Variants in PPP3CC observed in about 807,000 individuals in gnomAD.
PPP3CC encodes the protein serine/threonine-protein phosphatase 2B catalytic subunit gamma isoform.
In PPP3CC, 35 loss-of-function variants were observed where a neutral mutation model predicts 60.3. The ratio of observed to expected loss-of-function variants is 0.58; its 90% CI spans 0.44 to 0.77. PPP3CC has a LOEUF of 0.77. PPP3CC is among the 30% of genes least tolerant of loss of function. The pLI is 0.00. For missense variants in PPP3CC, 570 were observed against 628.9 expected, an observed-to-expected ratio of 0.91 and a Z score of 1.00; for synonymous variants, 206 against 224.3, an observed-to-expected ratio of 0.92 and a Z score of 0.73.
At position 22,475,116 on chromosome 8, in the gene PPP3CC, A is replaced by G; in HGVS notation, c.212A>G (p.Glu71Gly). 6.2e-7 allele frequency: 1 copy of G among 1,613,182 alleles called. No homozygotes were observed. The highest frequency in any genetic ancestry group is 8.5e-7 in the Non-Finnish European group (1 of 1,179,396). The change falls in exon 2 of 14, where the codon GAG becomes GGG. Residue 71 changes from glutamate (E) to glycine (G), a missense_variant. By Grantham distance (98) the Glu-to-Gly change is moderately conservative. Transcript: ENST00000240139. Reference sequence around the variant, plus strand: ...GATGGGGCTGCCATCCTGAGGCAAGAGAAGACTATGATAGAAGTAGATGCT... The same window carrying G: ...GATGGGGCTGCCATCCTGAGGCAAGGGAAGACTATGATAGAAGTAGATGCT... ...INDGAAILRQ[E>G]KTMIEVDAPI...
chr8:22,502,338 T>C (rs1052952009), intron 4 of PPP3CC, among the ~76,000 whole-genome samples: 1 of 152,080 alleles, frequency 6.6e-6, no homozygotes, highest in Non-Finnish European at 1.5e-5. Context: ...AACAAGACAG[T>C]GATGAAATAA....
rs573642022 is a variant in PPP3CC, at chr8:22,443,446, G to A, written c.49+1988G>A. ...TGAGGCACGAGAATTGCTTGAACCC[G>A]GGAGGCGGAGGTTGCAGTGAGCCAA... On this transcript the variant is annotated intron_variant, in intron 1 of 13. Coordinates refer to ENST00000240139, the MANE Select transcript of PPP3CC (RefSeq NM_005605.5). Among the ~76,000 whole-genome samples, 23 of 150,966 alleles carry A rather than the reference G, an allele frequency of 1.5e-4. No individual in the cohort carries two copies. The South Asian group carries it at 4.6e-3, about 30-fold the overall frequency.
chr8:22,505,523 A>G (rs1236715307), intron 4 of PPP3CC, among the ~76,000 whole-genome samples: 2 of 152,206 alleles, frequency 1.3e-5, no homozygotes, highest in Non-Finnish European at 2.9e-5. Context: ...GTATATCCAT[A>G]AAGCGAAATA....
chr8:22,510,423 G>C (rs1166966422), intron 4 of PPP3CC, among the ~76,000 whole-genome samples: 2 of 152,154 alleles, frequency 1.3e-5, no homozygotes, highest in Admixed American at 6.5e-5. Context: ...TAAGACTCCA[G>C]TTTCCACTTA....
chr8:22,496,483 A>ATTTTTTTTTTTTTTTTTT (rs1563741124), intron 3 of PPP3CC, among the ~76,000 whole-genome samples: 1 of 77,054 alleles, frequency 1.3e-5, no homozygotes. Context: ...GAGAACTGTA[A>ATTTTTTTTTTTTTTTTTT]TCTTTTTTTT....
At chr8:22,535,777 G>A (rs974665165) in intron 12 of PPP3CC, among the ~76,000 whole-genome samples, 4 of 152,150 alleles carry the variant, frequency 2.6e-5, no homozygotes, top group Admixed American at 6.5e-5. Flanking sequence ...TGTTGCCCAC[G>A]CTGGAGTGCA....
At chr8:22,530,536 T>TG (rs1839679610) in intron 10 of PPP3CC, among the ~76,000 whole-genome samples, 1 of 144,856 alleles carries the variant, frequency 6.9e-6, no homozygotes, top group African/African-American at 2.5e-5. Flanking sequence ...AATAAATAAA[T>TG]AAAAAGGAAG....
chr8:22,528,065 T>G (rs1839607351), intron 9 of PPP3CC, among the ~76,000 whole-genome samples: 1 of 152,254 alleles, frequency 6.6e-6, no homozygotes, highest in Non-Finnish European at 1.5e-5. Context: ...TAGTTACTTG[T>G]CATTCCCTCA....
chr8:22,443,181 A>G (rs1836724527), intron 1 of PPP3CC, among the ~76,000 whole-genome samples: 1 of 152,340 alleles, frequency 6.6e-6, no homozygotes, highest in African/African-American at 2.4e-5. Flanking sequence ...CCTTAAATAT[A>G]GTAATAAATA....
At chr8:22,485,220 C>T (rs191030807) in intron 3 of PPP3CC, among the ~76,000 whole-genome samples, 69 of 152,172 alleles carry the variant, frequency 4.5e-4, no homozygotes, top group African/African-American at 1.7e-3. Flanking sequence ...TAAATATAAG[C>T]ACTGAATTTG....
Position 22,517,156 on chromosome 8 carries a change from CAT to C in PPP3CC, c.770+3725_770+3726del, listed in dbSNP as rs1301335184. Among the ~76,000 whole-genome samples, 17 of 152,348 alleles carry C rather than the reference CAT, an allele frequency of 1.1e-4. No individual in the cohort carries two copies. The East Asian group carries it at 1.5e-3, about 14-fold the overall frequency. On this transcript the variant is annotated intron_variant, in intron 6 of 13. Coordinates refer to ENST00000240139, the MANE Select transcript of PPP3CC (RefSeq NM_005605.5). The stretch of plus-strand genomic sequence containing the variant: ...TAAAAAATTTGACTCACCCAGCACA[CAT>C]GTTCCCAGCTGAGGCTGAACAAAGT...
At position 22,463,568 on chromosome 8, in the gene PPP3CC, A is replaced by G. The variant is rs574369887; in HGVS notation, c.50-11386A>G. ...AGAATGGAAGGGAGTGGAATCTTCT[A>G]TTGCAGAAAGTACATAATGAATTTT... On this transcript the variant is annotated intron_variant, in intron 1 of 13. Coordinates refer to ENST00000240139, the MANE Select transcript of PPP3CC (RefSeq NM_005605.5). Among the ~76,000 whole-genome samples the G allele has an allele frequency of 3.2e-4, 48 of 152,280 alleles. 1 individual carries two copies. In the South Asian group the frequency reaches 7.7e-3, roughly 24 times the overall value.
intron 1 of PPP3CC, among the ~76,000 whole-genome samples, 182 bp from the exon 2 acceptor site, chr8:22,474,772 T>G (rs1837836128): frequency 6.6e-6 from 1 of 152,156 alleles, no homozygotes; most frequent in Admixed American, 6.6e-5. Flanking sequence ...CTGTCACCTT[T>G]TTATACTTAG....
At position 22,504,580 on chromosome 8, in the gene PPP3CC, G is replaced by C. The variant is rs1333572580; in HGVS notation, c.484+6468G>C. ...CCCAGAGTGCTGAGATTACAGATGT[G>C]AGCTGCCATGCCTAGCCCCTAACAG... On this transcript the variant is annotated intron_variant, in intron 4 of 13. Coordinates refer to ENST00000240139, the MANE Select transcript of PPP3CC (RefSeq NM_005605.5). Among the ~76,000 whole-genome samples the C allele has an allele frequency of 6.6e-5, 10 of 152,258 alleles. No homozygotes were observed. In the East Asian group the frequency reaches 1.9e-3, roughly 29 times the overall value.
intron 3 of PPP3CC, among the ~76,000 whole-genome samples, chr8:22,477,574 A>G (rs1302236474): frequency 5.3e-5 from 8 of 152,142 alleles, no homozygotes; most frequent in Admixed American, 3.9e-4. Context: ...AAGGTTTCAG[A>G]CGGTAAAGAT....
rs1043659313 is a variant in PPP3CC, at chr8:22,498,566, T to C, written c.484+454T>C. ...TATTATGAAATAGTTCAGGTATACA[T>C]ATATCTGTATATATTTTACAAATAA... On this transcript the variant is annotated intron_variant, in intron 4 of 13. Coordinates refer to ENST00000240139, the MANE Select transcript of PPP3CC (RefSeq NM_005605.5). Among the ~76,000 whole-genome samples the C allele has an allele frequency of 4.6e-5, 7 of 152,250 alleles. No individual in the cohort carries two copies. In the East Asian group the frequency reaches 5.8e-4, roughly 13 times the overall value.
At chr8:22,461,509 A>C (rs1452852139) in intron 1 of PPP3CC, among the ~76,000 whole-genome samples, 2 of 152,216 alleles carry the variant, frequency 1.3e-5, no homozygotes, top group African/African-American at 4.8e-5. Flanking sequence ...TAAATAGTAG[A>C]ATAACATGGC....
chr8:22,476,250 A>G (rs1837884473), intron 3 of PPP3CC, among the ~76,000 whole-genome samples: 1 of 152,264 alleles, frequency 6.6e-6, no homozygotes, highest in Non-Finnish European at 1.5e-5. Context: ...ACTTGAGTAC[A>G]GTGGAACCAC....
At chr8:22,490,880 T>G (rs1838383202) in intron 3 of PPP3CC, among the ~76,000 whole-genome samples, 1 of 152,182 alleles carries the variant, frequency 6.6e-6, no homozygotes, top group Non-Finnish European at 1.5e-5. Context: ...TGGTTCCAAG[T>G]CTTTGCTATT....
Sources: allele counts gnomAD v4.1 joint callset (sites outside exome capture counted in the v4.1 genomes callset), GRCh38; gene constraint gnomAD v4.1.1; transcripts MANE v1.5; gene names NCBI Gene and HGNC (gene_info 2026-07-23, HGNC 2026-07-21).